The following SLC11A2 variants were observed in gnomAD, a reference collection of about 807,000 sequenced individuals.
The protein encoded by SLC11A2 is natural resistance-associated macrophage protein 2.
SLC11A2 carries 38 observed loss-of-function variants against 68.0 expected under a neutral mutation model. That is an observed-to-expected ratio of 0.56 (90% CI 0.43 to 0.73). The LOEUF (loss-of-function observed/expected upper bound fraction) is 0.73. SLC11A2 is among the 30% of genes least tolerant of loss of function. The pLI, the probability that SLC11A2 is intolerant of heterozygous loss-of-function variation, is 0.00. For synonymous variants in SLC11A2, 242 were observed against 250.6 expected, an observed-to-expected ratio of 0.97 and a Z score of 0.32; for missense variants, 517 against 690.5, an observed-to-expected ratio of 0.75 and a Z score of 2.82.
chr12:51,011,558 T>TG (rs1555223163), intron 1 of SLC11A2, among the ~76,000 whole-genome samples: 5 of 149,584 alleles, frequency 3.3e-5, no homozygotes, highest in African/African-American at 1.2e-4. Flanking sequence ...AGTTGTTTTT[T>TG]TTTGTTTTTT....
intron 5 of SLC11A2, among the ~76,000 whole-genome samples, chr12:51,001,022 G>A (rs1430057623): frequency 6.6e-6 from 1 of 152,022 alleles, no homozygotes; most frequent in Non-Finnish European, 1.5e-5. Context: ...AAAATTAGCT[G>A]GGCATGGTGG....
At chr12:50,972,836 G>A in the SLC11A2 span, among the ~76,000 whole-genome samples, 1 of 152,194 alleles carries the variant, frequency 6.6e-6, no homozygotes, top group East Asian at 1.9e-4. Flanking sequence ...AGCACACCAG[G>A]AGATTATATC....
downstream of SLC11A2, among the ~76,000 whole-genome samples, chr12:50,977,848 C>A (rs1015988421): frequency 2.0e-5 from 3 of 152,162 alleles, no homozygotes; most frequent in African/African-American, 7.2e-5. Context: ...TGAACAGACA[C>A]TTCTCAAAAG....
At chr12:51,015,532 G>C (rs993183780) in intron 1 of SLC11A2, among the ~76,000 whole-genome samples, 4 of 151,536 alleles carry the variant, frequency 2.6e-5, no homozygotes, top group African/African-American at 9.7e-5. Context: ...GAATAGAAAG[G>C]GCCAGGCCAG....
intron 11 of SLC11A2, among the ~76,000 whole-genome samples, chr12:50,994,080 G>A (rs1460747408): frequency 3.5e-5 from 5 of 142,098 alleles, no homozygotes; most frequent in African/African-American, 5.2e-5. Flanking sequence ...TTATTCTGTC[G>A]CCCAGGCTGG....
rs1051112890 is a variant in SLC11A2, at chr12:51,015,858, A to G, written c.-38-5092T>C. 2.0e-5 allele frequency among the ~76,000 whole-genome samples: 3 copies of G among 152,212 alleles called. No homozygotes were observed. In the East Asian group the frequency reaches 5.8e-4, roughly 29 times the overall value. On this transcript the variant is annotated intron_variant, in intron 1 of 15. Transcript: ENST00000262052. ...AATTGACAGAAAAAAAATGGCACTC[A>G]TGGTTAAATGTAATATGACTATTTT...
chr12:50,986,373 C>T lies in SLC11A2; in HGVS notation c.*1952G>A. The stretch of plus-strand genomic sequence containing the variant: ...CAATAACGTATGAGGGTATTTTTAA[C>T]ACTGTGAAGTACACACATAATATTA... On this transcript the variant is annotated 3_prime_UTR_variant, in exon 16 of 16. Transcript: ENST00000262052. 2 of 1,279,960 alleles carry T rather than the reference C, an allele frequency of 1.6e-6. No homozygotes were observed. The highest frequency in any genetic ancestry group is 1.0e-6 in the Non-Finnish European group (1 of 982,098). 79.3% of individuals were successfully genotyped at this position (1,279,960 alleles called of 1,614,324 possible). A position where few individuals can be genotyped will look rare whatever the true frequency, so the allele number is the denominator to read the frequency against.
At position 50,988,300 on chromosome 12, in the gene SLC11A2, C is replaced by T. The variant is rs1452323992; in HGVS notation, c.*25G>A. ...GAAACACACTGGCTCTGATGGCTAC[C>T]TGCAGAAGACAGACTAATCCAGTGT... On this transcript the variant is annotated 3_prime_UTR_variant, in exon 16 of 16. Coordinates refer to ENST00000262052, the MANE Select transcript of SLC11A2 (RefSeq NM_000617.3). 6.2e-7 allele frequency: 1 copy of T among 1,613,674 alleles called. No individual in the cohort carries two copies. Among genetic ancestry groups the T allele is most frequent in the African/African-American group, 1.3e-5 (1 of 74,928 alleles).
Position 50,987,842 on chromosome 12 carries a change from T to G in SLC11A2, c.*483A>C, listed in dbSNP as rs1359882946. The G allele has an allele frequency of 7.9e-7, 1 of 1,258,716 alleles. No individual in the cohort carries two copies. The highest frequency in any genetic ancestry group is 1.0e-6 in the Non-Finnish European group (1 of 977,178). The allele number at this position is 1,258,716 out of a possible 1,614,324, so 78.0% of individuals were successfully genotyped here. A position where few individuals can be genotyped will look rare whatever the true frequency, so the allele number is the denominator to read the frequency against. On this transcript the variant is annotated 3_prime_UTR_variant, in exon 16 of 16. Coordinates refer to ENST00000262052, the MANE Select transcript of SLC11A2 (RefSeq NM_000617.3). ...TGGATGAAGCTATTCTAGTTGATAA[T>G]TTGGTATAATTAAAATAACTGAAAA...
downstream of SLC11A2, among the ~76,000 whole-genome samples, chr12:50,975,779 A>C (rs1044563386): frequency 6.6e-6 from 1 of 152,228 alleles, no homozygotes; most frequent in Non-Finnish European, 1.5e-5. Flanking sequence ...AGAAGAATCA[A>C]ATATACACAA....
intron 1 of SLC11A2, among the ~76,000 whole-genome samples, chr12:51,021,033 G>T (rs1944006536): frequency 6.6e-6 from 1 of 152,140 alleles, no homozygotes; most frequent in East Asian, 1.9e-4. Context: ...CAAAGCTGCA[G>T]CGAACCATGA....
In SLC11A2 at chr12:50,986,992, AC is replaced by A; in HGVS notation, c.*1332del. The stretch of plus-strand genomic sequence containing the variant: ...CATTACTGTTCTCACCAAATCAATG[AC>A]TATAAAACAGTTTTGATTATTTATC... On this transcript the variant is annotated 3_prime_UTR_variant, in exon 16 of 16. Transcript: ENST00000262052. The A allele has an allele frequency of 7.8e-7, 1 of 1,285,402 alleles. No individual in the cohort carries two copies. Among genetic ancestry groups the A allele is most frequent in the Non-Finnish European group, 1.0e-6 (1 of 987,466 alleles). 79.6% of individuals were successfully genotyped at this position (1,285,402 alleles called of 1,614,324 possible). A position where few individuals can be genotyped will look rare whatever the true frequency, so the allele number is the denominator to read the frequency against.
At chr12:51,005,799 C>A in intron 3 of SLC11A2, 2 of 730,404 alleles carry the variant, frequency 2.7e-6, no homozygotes, top group Non-Finnish European at 4.1e-6. Context: ...GCCTATAGTC[C>A]AACTACTTGG....
the SLC11A2 span, among the ~76,000 whole-genome samples, chr12:50,972,852 C>T: frequency 6.6e-6 from 1 of 152,226 alleles, no homozygotes; most frequent in Non-Finnish European, 1.5e-5. Context: ...ATATCCCGCG[C>T]ATGGCTCACA....
intron 1 of SLC11A2, chr12:51,014,239 C>G (rs1046542560): frequency 3.9e-5 from 6 of 152,240 alleles, no homozygotes; most frequent in African/African-American, 1.4e-4. Context: ...CCGAAGCAAG[C>G]ACCAAAATAG....
chr12:51,017,282 G>A (rs1400202869), intron 1 of SLC11A2, among the ~76,000 whole-genome samples: 1 of 152,168 alleles, frequency 6.6e-6, no homozygotes, highest in African/African-American at 2.4e-5. Context: ...TCATTGGACA[G>A]AATACCATGC....
intron 1 of SLC11A2, among the ~76,000 whole-genome samples, chr12:51,022,014 T>C (rs1228538477): frequency 6.6e-6 from 1 of 152,178 alleles, no homozygotes. Flanking sequence ...ATCAGCACTC[T>C]TGAGGCTTAA....
chr12:50,953,883 C>T, the SLC11A2 span: 27 of 607,846 alleles, frequency 4.4e-5, no homozygotes, highest in East Asian at 7.5e-4. Context: ...ATAGGCTTAT[C>T]AAACAAATGA....
At position 50,987,561 on chromosome 12, in the gene SLC11A2, A is replaced by G; in HGVS notation, c.*764T>C. On this transcript the variant is annotated 3_prime_UTR_variant, in exon 16 of 16. Coordinates refer to ENST00000262052, the MANE Select transcript of SLC11A2 (RefSeq NM_000617.3). ...CATGTGCTCAAGAGTAAATATCATC[A>G]GGAAAGCTCTGTACTAACAGGCAGG... 1 of 1,287,210 alleles carries G rather than the reference A, an allele frequency of 7.8e-7. No individual in the cohort carries two copies. Among genetic ancestry groups the G allele is most frequent in the South Asian group, 1.2e-5 (1 of 80,940 alleles). The allele number at this position is 1,287,210 out of a possible 1,614,324, so 79.7% of individuals were successfully genotyped here.
Sources: allele counts gnomAD v4.1 joint callset (sites outside exome capture counted in the v4.1 genomes callset), GRCh38; gene constraint gnomAD v4.1.1; transcripts MANE v1.5; gene names NCBI Gene and HGNC (gene_info 2026-07-23, HGNC 2026-07-21).